The following RMST variants were observed in gnomAD, a reference collection of about 807,000 sequenced individuals.
RMST encodes long intergenic non-protein coding RNA 54.
At position 97,506,167 on chromosome 12, in the gene RMST, T is replaced by C. The variant is rs937512097; in HGVS notation, n.1340+10111T>C. ...GACCACATTAGATTTTATATTACAG[T>C]ACAATTAAAAGGCGTTTATTAGCAT... On this transcript the variant is annotated intron_variant and non_coding_transcript_variant, in intron 10 of 13. Transcript: ENST00000640149. Among the ~76,000 whole-genome samples the C allele has an allele frequency of 3.4e-5, 5 of 148,914 alleles. No individual in the cohort carries two copies. The East Asian group carries it at 9.8e-4, about 29-fold the overall frequency.
intron 10 of RMST, among the ~76,000 whole-genome samples, chr12:97,526,817 G>C (rs1042338854): frequency 1.3e-5 from 2 of 152,072 alleles, no homozygotes; most frequent in Non-Finnish European, 2.9e-5. Flanking sequence ...ACACTGTACT[G>C]TTTCTTGGTG....
At chr12:97,480,204 C>T (rs957547939) in intron 5 of RMST, among the ~76,000 whole-genome samples, 5 of 151,830 alleles carry the variant, frequency 3.3e-5, no homozygotes, top group Non-Finnish European at 1.5e-5. Flanking sequence ...ATTCTCTTGC[C>T]TCAGCCTCCC....
intron 11 of RMST, among the ~76,000 whole-genome samples, chr12:97,549,241 C>T (rs540651188): frequency 3.9e-5 from 6 of 152,260 alleles, no homozygotes; most frequent in African/African-American, 1.2e-4. Flanking sequence ...TATGTTTTAT[C>T]GTACCAAATC....
intron 10 of RMST, among the ~76,000 whole-genome samples, chr12:97,509,201 G>A (rs935509253): frequency 6.6e-6 from 1 of 152,158 alleles, no homozygotes; most frequent in African/African-American, 2.4e-5. Context: ...TTTAGAAAGG[G>A]AGCATTATCA....
intron 5 of RMST, chr12:97,491,989 A>G (rs376811511): frequency 1.9e-6 from 1 of 531,908 alleles, no homozygotes; most frequent in Non-Finnish European, 3.9e-6. Flanking sequence ...CTGATAAACA[A>G]TGGAACTTCT....
intron 5 of RMST, among the ~76,000 whole-genome samples, chr12:97,472,979 C>T (rs986404858): frequency 6.6e-6 from 1 of 152,022 alleles, no homozygotes; most frequent in Admixed American, 6.6e-5. Flanking sequence ...TAATCGTTCT[C>T]TCATCAACTG....
chr12:97,537,982 T>C (rs1007739236), intron 11 of RMST, among the ~76,000 whole-genome samples: 1 of 151,392 alleles, frequency 6.6e-6, no homozygotes, highest in African/African-American at 2.4e-5. Flanking sequence ...TTGATCAATA[T>C]ATTTGAAGAT....
chr12:97,497,376 G>A lies in RMST; in HGVS notation n.1340+1320G>A, dbSNP rs562885338. 3.3e-5 allele frequency among the ~76,000 whole-genome samples: 5 copies of A among 152,262 alleles called. No individual in the cohort carries two copies. The East Asian group carries it at 7.7e-4, about 24-fold the overall frequency. On this transcript the variant is annotated intron_variant and non_coding_transcript_variant, in intron 10 of 13. Coordinates refer to ENST00000640149, the Ensembl canonical transcript of RMST. ...TTTTCTATCTATAAATGTCCTTTGG[G>A]CCCATGAGGAATTTTGGACCCTCAT...
In RMST at chr12:97,490,330, T is replaced by C. The variant is rs192350460; in HGVS notation, n.645-2131T>C. The stretch of plus-strand genomic sequence containing the variant: ...TGTGGCTAGGCCAAGCACGGCACCA[T>C]CTAAGAGAAAACAGACACTGGCGCC... On this transcript the variant is annotated intron_variant and non_coding_transcript_variant, in intron 5 of 13. Coordinates refer to ENST00000640149, the Ensembl canonical transcript of RMST. 3.3e-5 allele frequency among the ~76,000 whole-genome samples: 5 copies of C among 152,306 alleles called. No individual in the cohort carries two copies. The East Asian group carries it at 9.7e-4, about 29-fold the overall frequency.
At chr12:97,485,102 C>T (rs921452384) in intron 5 of RMST, among the ~76,000 whole-genome samples, 3 of 152,182 alleles carry the variant, frequency 2.0e-5, no homozygotes, top group African/African-American at 7.2e-5. Flanking sequence ...GGTCAGATAA[C>T]TTAGAATGAT....
intron 11 of RMST, among the ~76,000 whole-genome samples, chr12:97,541,632 C>A (rs1176132056): frequency 6.6e-6 from 1 of 151,042 alleles, no homozygotes; most frequent in African/African-American, 2.4e-5. Flanking sequence ...GAACTTAGAT[C>A]TCCCTCAGGC....
At chr12:97,513,067 TCGCGCAGGCCCGCAAGCACCG>T (rs1405733535) in intron 10 of RMST, among the ~76,000 whole-genome samples, 1 of 152,190 alleles carries the variant, frequency 6.6e-6, no homozygotes, top group African/African-American at 2.4e-5. Context: ...CACCCGGAAC[TCGCGCAGGCCCGCAAGCACCG>T]CGCGCAGCCC....
At chr12:97,523,166 A>C (rs920601117) in intron 10 of RMST, among the ~76,000 whole-genome samples, 3 of 152,242 alleles carry the variant, frequency 2.0e-5, no homozygotes, top group Non-Finnish European at 4.4e-5. Context: ...GATTTTGTTA[A>C]TACCTTATTT....
intron 11 of RMST, among the ~76,000 whole-genome samples, chr12:97,557,323 C>A (rs559061104): frequency 1.3e-5 from 2 of 152,232 alleles, no homozygotes; most frequent in South Asian, 4.1e-4. Context: ...TTGCAGTACA[C>A]CTGAGAGGTT....
At chr12:97,534,443 C>T (rs778867782) in intron 11 of RMST, among the ~76,000 whole-genome samples, 1 of 151,684 alleles carries the variant, frequency 6.6e-6, no homozygotes, top group Admixed American at 6.6e-5. Context: ...ACAACATTCT[C>T]TAAAGCACAA....
chr12:97,495,091 T>A (rs2136459925), intron 9 of RMST, among the ~76,000 whole-genome samples: 1 of 152,254 alleles, frequency 6.6e-6, no homozygotes, highest in Middle Eastern at 3.4e-3. Context: ...GTTTTTTTCA[T>A]CCTTTGCAGC....
At chr12:97,529,451 AT>A (rs987636991) in intron 10 of RMST, among the ~76,000 whole-genome samples, 3 of 152,152 alleles carry the variant, frequency 2.0e-5, no homozygotes, top group Non-Finnish European at 2.9e-5. Context: ...AATATACACA[AT>A]TCTTAGGTAA....
At chr12:97,490,820 C>G (rs1013690966) in intron 5 of RMST, among the ~76,000 whole-genome samples, 1 of 152,116 alleles carries the variant, frequency 6.6e-6, no homozygotes, top group African/African-American at 2.4e-5. Context: ...ATGACTCCAT[C>G]TGAAGTTGGA....
chr12:97,479,056 T>G (rs1874894430), intron 5 of RMST, among the ~76,000 whole-genome samples: 1 of 152,002 alleles, frequency 6.6e-6, no homozygotes, highest in Non-Finnish European at 1.5e-5. Flanking sequence ...CCATTATTAT[T>G]CTGATCGCTC....
Sources: gnomAD v4.1 joint callset for allele counts (sites outside exome capture counted in the v4.1 genomes callset) on GRCh38, gnomAD v4.1.1 for gene constraint, MANE v1.5 for transcripts, NCBI Gene and HGNC (gene_info 2026-07-23, HGNC 2026-07-21) for gene names.